GALNT17: variants seen among roughly 807,000 people sequenced by gnomAD.
GALNT17 encodes polypeptide N-acetylgalactosaminyltransferase 17, also known as UDP-GalNAc:polypeptide N-acetylgalactosaminyltransferase-like 3.
Under a neutral mutation model 63.7 loss-of-function variants are expected in GALNT17, and 29 were observed. The ratio of observed to expected loss-of-function variants is 0.46; its 90% confidence interval spans 0.34 to 0.62. GALNT17 has a LOEUF of 0.62. Among genes scored for constraint, GALNT17 ranks in the 20% least tolerant of loss-of-function variants. The pLI is 0.01. For synonymous variants in GALNT17, 305 were observed against 318.3 expected, an observed-to-expected ratio of 0.96 and a Z score of 0.45; for missense variants, 603 against 799.6, an observed-to-expected ratio of 0.75 and a Z score of 2.97.
At chr7:71,524,549 G>A (rs569002964) in intron 5 of GALNT17, among the ~76,000 whole-genome samples, 280 of 152,026 alleles carry the variant, frequency 1.8e-3, no homozygotes, top group Admixed American at 2.3e-3. Context: ...CGATGGCCAC[G>A]GTATGCCAGA....
chr7:71,260,949 C>G (rs924219155), intron 1 of GALNT17, among the ~76,000 whole-genome samples: 1 of 151,938 alleles, frequency 6.6e-6, no homozygotes, highest in Non-Finnish European at 1.5e-5. Flanking sequence ...AATTATAAAC[C>G]CAGGTGTTAA....
chr7:71,286,995 T>G (rs1230597307), intron 1 of GALNT17, among the ~76,000 whole-genome samples: 1 of 152,034 alleles, frequency 6.6e-6, no homozygotes, highest in Non-Finnish European at 1.5e-5. Context: ...GAACTCCCCA[T>G]GTTGCCCGGG....
intron 1 of GALNT17, among the ~76,000 whole-genome samples, chr7:71,254,575 C>T (rs945767753): frequency 6.6e-6 from 1 of 152,104 alleles, no homozygotes; most frequent in Non-Finnish European, 1.5e-5. Context: ...ATGCTGGTCA[C>T]CTGTGCCTTC....
chr7:71,356,993 G>C (rs1200573741), intron 2 of GALNT17, among the ~76,000 whole-genome samples: 1 of 151,904 alleles, frequency 6.6e-6, no homozygotes, highest in African/African-American at 2.4e-5. Flanking sequence ...CGTTGGTCAG[G>C]CTGGTCTCAA....
chr7:71,452,251 A>C (rs1787275752), intron 5 of GALNT17, among the ~76,000 whole-genome samples: 1 of 150,728 alleles, frequency 6.6e-6, no homozygotes, highest in Non-Finnish European at 1.5e-5. Context: ...TAGAAAAAAA[A>C]AAAAGATTTT....
chr7:71,536,368 A>C (rs1485169322), intron 5 of GALNT17, among the ~76,000 whole-genome samples: 1 of 152,202 alleles, frequency 6.6e-6, no homozygotes, highest in Non-Finnish European at 1.5e-5. Context: ...GCAGCAAGGA[A>C]GACAGGTCTT....
chr7:71,462,603 A>G (rs928244537), intron 5 of GALNT17, among the ~76,000 whole-genome samples: 6 of 152,208 alleles, frequency 3.9e-5, no homozygotes, highest in Admixed American at 6.5e-5. Context: ...TGAGACATCA[A>G]TCAATATATG....
At chr7:71,370,412 C>T (rs1248834161) in intron 2 of GALNT17, among the ~76,000 whole-genome samples, 2 of 152,172 alleles carry the variant, frequency 1.3e-5, no homozygotes, top group Non-Finnish European at 2.9e-5. Context: ...GATCCTCCTG[C>T]CTCAGCCTCC....
chr7:71,615,145 A>C (rs58130753), intron 6 of GALNT17, among the ~76,000 whole-genome samples: 6,353 of 152,242 alleles, frequency 0.042, 442 homozygotes, highest in African/African-American at 0.14. Flanking sequence ...TGCTGGGGAG[A>C]TGACAAGGCC....
intron 3 of GALNT17, 67 bp downstream of exon 3, chr7:71,388,468 A>G (rs759921028): frequency 7.1e-6 from 11 of 1,552,018 alleles, no homozygotes; most frequent in South Asian, 1.2e-5. Flanking sequence ...TTTCATTCCA[A>G]CGCGAGCCCG....
intron 1 of GALNT17, among the ~76,000 whole-genome samples, chr7:71,315,395 G>A (rs759291456): frequency 6.6e-6 from 1 of 152,110 alleles, no homozygotes; most frequent in South Asian, 2.1e-4. Flanking sequence ...ACCTAGGAGC[G>A]GAATTGTTGG....
intron 2 of GALNT17, among the ~76,000 whole-genome samples, chr7:71,374,450 G>A (rs2116287195): frequency 6.6e-6 from 1 of 152,364 alleles, no homozygotes; most frequent in South Asian, 2.1e-4. Flanking sequence ...GGACCAGTGG[G>A]CTAGCCCAGT....
At chr7:71,474,772 C>T (rs919157211) in intron 5 of GALNT17, among the ~76,000 whole-genome samples, 5 of 152,162 alleles carry the variant, frequency 3.3e-5, no homozygotes, top group Non-Finnish European at 7.3e-5. Flanking sequence ...ACATTCCAAT[C>T]CTAGAACCTG....
chr7:71,223,933 A>G (rs1361224099), intron 1 of GALNT17, among the ~76,000 whole-genome samples: 1 of 152,122 alleles, frequency 6.6e-6, no homozygotes, highest in Non-Finnish European at 1.5e-5. Context: ...TGTGGTATAT[A>G]TATACCACAT....
intron 1 of GALNT17, among the ~76,000 whole-genome samples, chr7:71,301,992 A>G (rs750666432): frequency 6.0e-4 from 91 of 152,226 alleles, no homozygotes; most frequent in Non-Finnish European, 9.7e-4. Context: ...TAATACATGT[A>G]GCAAGAATGG....
chr7:71,663,370 G>A (rs548188883), intron 6 of GALNT17, among the ~76,000 whole-genome samples: 20 of 152,230 alleles, frequency 1.3e-4, no homozygotes, highest in African/African-American at 4.6e-4. Flanking sequence ...CAACATCATT[G>A]TGAGACCCTG....
At chr7:71,134,293 G>T (rs1044063871) in intron 1 of GALNT17, among the ~76,000 whole-genome samples, 6 of 152,240 alleles carry the variant, frequency 3.9e-5, no homozygotes, top group African/African-American at 1.4e-4. Context: ...TAAGTGAAAG[G>T]AGTATTAGGT....
chr7:71,583,209 C>A (rs1395233509), intron 6 of GALNT17, among the ~76,000 whole-genome samples: 1 of 152,174 alleles, frequency 6.6e-6, no homozygotes, highest in Non-Finnish European at 1.5e-5. Context: ...ATTCTCCTGC[C>A]TCAGCCTCCT....
chr7:71,710,364 C>T (rs868055607), intron 9 of GALNT17, among the ~76,000 whole-genome samples: 2 of 152,016 alleles, frequency 1.3e-5, no homozygotes, highest in Admixed American at 6.6e-5. Flanking sequence ...AAAAATTAGC[C>T]GTGTGTGGTG....
Sources: gnomAD v4.1 joint callset for allele counts (sites outside exome capture counted in the v4.1 genomes callset) on GRCh38, gnomAD v4.1.1 for gene constraint, MANE v1.5 for transcripts, NCBI Gene and HGNC (gene_info 2026-07-23, HGNC 2026-07-21) for gene names.